Variants in PIEZO2 observed in about 807,000 individuals in gnomAD.
PIEZO2 encodes the protein piezo-type mechanosensitive ion channel component 2.
In PIEZO2, 172 loss-of-function variants were observed where a neutral mutation model predicts 337.3. The ratio of observed to expected loss-of-function variants is 0.51; its 90% CI spans 0.45 to 0.58. The LOEUF is 0.58. PIEZO2 is among the 20% of genes least tolerant of loss of function. The pLI is 0.00. For missense variants in PIEZO2, 3,028 were observed against 3,391.3 expected, an observed-to-expected ratio of 0.89 and a Z score of 2.66; for synonymous variants, 1,251 against 1,228.5, an observed-to-expected ratio of 1.02 and a Z score of -0.38.
intron 2 of PIEZO2, among the ~76,000 whole-genome samples, chr18:11,024,678 T>C (rs180956078): frequency 6.6e-6 from 1 of 152,222 alleles, no homozygotes; most frequent in Admixed American, 6.5e-5. Flanking sequence ...TTCACTCTTG[T>C]CACCCAGGCT....
chr18:11,113,759 G>A (rs900393687), intron 1 of PIEZO2, among the ~76,000 whole-genome samples: 23 of 152,094 alleles, frequency 1.5e-4, no homozygotes, highest in African/African-American at 5.1e-4. Flanking sequence ...CTGTGACAAC[G>A]CAGGCCTTCC....
intron 7 of PIEZO2, among the ~76,000 whole-genome samples, chr18:10,816,889 C>A (rs2040380221): frequency 6.6e-6 from 1 of 152,076 alleles, no homozygotes; most frequent in South Asian, 2.1e-4. Flanking sequence ...TTTCTCACTG[C>A]AGTTTTATTG....
intron 3 of PIEZO2, among the ~76,000 whole-genome samples, chr18:10,921,403 A>G (rs1398575403): frequency 6.6e-6 from 1 of 152,174 alleles, no homozygotes; most frequent in Non-Finnish European, 1.5e-5. Flanking sequence ...ATACTTTTAT[A>G]ATTTCCTATG....
chr18:10,677,582 A>T lies in PIEZO2; in HGVS notation c.8081+165T>A. On this transcript the variant is annotated intron_variant, in intron 53 of 55. Transcript: ENST00000674853. The surrounding 1 kb of genome is among the most constrained non-coding windows in gnomAD (Gnocchi z 4.1). ...GTGGACAGAAAACTCCATAGCTGAG[A>T]TTAAGTTTCTTTAATCTTGCAAAAT... 2.6e-6 allele frequency: 2 copies of T among 770,606 alleles called. No individual in the cohort carries two copies. The highest frequency in any genetic ancestry group is 4.0e-6 in the Non-Finnish European group (2 of 497,594). The allele number at this position is 770,606 out of a possible 1,614,324, so 47.7% of individuals were successfully genotyped here.
At chr18:10,711,612 T>C (rs2035822480) in intron 39 of PIEZO2, among the ~76,000 whole-genome samples, 1 of 105,934 alleles carries the variant, frequency 9.4e-6, no homozygotes, top group African/African-American at 3.1e-5. Context: ...GGGATTCAGG[T>C]AACAAAAAAA....
intron 3 of PIEZO2, among the ~76,000 whole-genome samples, chr18:10,951,922 A>G (rs936964673): frequency 6.6e-6 from 1 of 152,236 alleles, no homozygotes; most frequent in African/African-American, 2.4e-5. Flanking sequence ...AAACAGGAAA[A>G]TGCTATGAAG....
At chr18:11,119,863 G>A (rs1461696998) in intron 1 of PIEZO2, among the ~76,000 whole-genome samples, 1 of 152,126 alleles carries the variant, frequency 6.6e-6, no homozygotes, top group African/African-American at 2.4e-5. Context: ...ATAAACAATA[G>A]TAAGAATATG....
chr18:10,933,087 C>G (rs2032186279), intron 3 of PIEZO2, among the ~76,000 whole-genome samples: 1 of 151,962 alleles, frequency 6.6e-6, no homozygotes, highest in African/African-American at 2.4e-5. Flanking sequence ...CCCTATTAGC[C>G]CATATAAGAA....
rs1389364506 is a variant in PIEZO2, at chr18:10,715,675, C to T, written c.5231G>A (p.Cys1744Tyr). The change falls in exon 38 of 56, where the codon TGC becomes TAC. Residue 1744 changes from cysteine to tyrosine, a missense_variant. Transcript: ENST00000674853. ...CTTCTTAATTTCTCTGGTCAGCATGCATCGTTCAATTCTCAGAACTGTAGA... is the reference window on the plus strand; with the variant it reads ...CTTCTTAATTTCTCTGGTCAGCATGTATCGTTCAATTCTCAGAACTGTAGA... ...DISTVLRIER[C>Y]MLTREIKKGN... 2 of 1,535,184 alleles carry T rather than the reference C, an allele frequency of 1.3e-6. No homozygotes were observed. Among genetic ancestry groups the T allele is most frequent in the Non-Finnish European group, 1.7e-6 (2 of 1,146,176 alleles).
intron 3 of PIEZO2, among the ~76,000 whole-genome samples, chr18:10,937,507 T>A (rs1236913514): frequency 1.3e-5 from 2 of 152,178 alleles, no homozygotes; most frequent in Admixed American, 6.5e-5. Flanking sequence ...CCTAAATATC[T>A]ATATGTTATT....
In PIEZO2 at chr18:10,737,169, T is replaced by C. The variant is rs570933733; in HGVS notation, c.4709-459A>G. Among the ~76,000 whole-genome samples the C allele has an allele frequency of 2.0e-5, 3 of 151,558 alleles. No homozygotes were observed. In the East Asian group the frequency reaches 5.8e-4, roughly 29 times the overall value. ...GCCCAAACCGTTGCAGATAAGCCAATCAGGACGATTCAGGACCAAGGTCAG... is the reference window on the plus strand; with the variant it reads ...GCCCAAACCGTTGCAGATAAGCCAACCAGGACGATTCAGGACCAAGGTCAG... On this transcript the variant is annotated intron_variant, in intron 33 of 55. Coordinates refer to ENST00000674853, the MANE Select transcript of PIEZO2 (RefSeq NM_001378183.1).
At chr18:10,704,683 T>C (rs1348020893) in intron 41 of PIEZO2, 31 bp from the exon 42 acceptor site, 1 of 1,523,014 alleles carries the variant, frequency 6.6e-7, no homozygotes. Context: ...ATAATATGTC[T>C]ATTTTTTTTC....
rs759053482 is a variant in PIEZO2, at chr18:10,979,575, C to T, written c.246G>A (p.Val82=). ...CAATACGATGTTGAGCTTCAAGGCT[C>T]ACCAACGTGATGTGGAAAATGATGT... is the stretch of plus-strand genomic sequence containing the variant. The part of the protein sequence containing the change: ...LLHIIFHITL[V]SLEAQHRIAP... Residue 82 remains valine (V), a synonymous_variant, in exon 3 of 56, where the codon GTG becomes GTA. Coordinates refer to ENST00000674853, the MANE Select transcript of PIEZO2 (RefSeq NM_001378183.1). This position sits in a 1 kb window ranked among gnomAD's most constrained non-coding sequence, Gnocchi z 4.0. The T allele has an allele frequency of 6.5e-7, 1 of 1,535,522 alleles. No homozygotes were observed. Among genetic ancestry groups the T allele is most frequent in the South Asian group, 1.2e-5 (1 of 83,846 alleles).
chr18:10,819,238 A>G lies in PIEZO2; in HGVS notation c.918-11964T>C, dbSNP rs1320666357. ...AGTGGATTTGGATAAAACTGGAGGC[A>G]TTTGTATGATATACAGTTAAATATT... On this transcript the variant is annotated intron_variant, in intron 7 of 55. Coordinates refer to ENST00000674853, the MANE Select transcript of PIEZO2 (RefSeq NM_001378183.1). The surrounding 1 kb of genome is among the most constrained non-coding windows in gnomAD (Gnocchi z 4.3). 9.2e-5 allele frequency among the ~76,000 whole-genome samples: 14 copies of G among 152,230 alleles called. No individual in the cohort carries two copies. Among genetic ancestry groups the G allele is most frequent in the Admixed American group, 8.5e-4 (13 of 15,284 alleles).
rs2038436128 is a variant in PIEZO2, at chr18:10,767,969, T to C, written c.2946+2179A>G. Among the ~76,000 whole-genome samples the C allele has an allele frequency of 6.6e-6, 1 of 152,024 alleles. No individual in the cohort carries two copies. Among genetic ancestry groups the C allele is most frequent in the African/African-American group, 2.4e-5 (1 of 41,382 alleles). ...GGATGGCACAGGCCAAGTCACAACA[T>C]CCCCATCCCAGGGGGCCTTGCCCTG... On this transcript the variant is annotated intron_variant, in intron 21 of 55. Coordinates refer to ENST00000674853, the MANE Select transcript of PIEZO2 (RefSeq NM_001378183.1). The surrounding 1 kb of genome is among the most constrained non-coding windows in gnomAD (Gnocchi z 4.2).
Position 10,724,750 on chromosome 18 carries a change from C to CT in PIEZO2, c.5030-6492dup, listed in dbSNP as rs1388021518. On this transcript the variant is annotated intron_variant, in intron 36 of 55. Transcript: ENST00000674853. The surrounding 1 kb of genome is among the most constrained non-coding windows in gnomAD (Gnocchi z 5.8). The stretch of plus-strand genomic sequence containing the variant: ...ACCACTGTACCCCTGGTCTCAGTCC[C>CT]TGGCCTTGCCCGTGGCTCTGGCAGT... The CT allele has an allele frequency of 1.5e-5, 23 of 1,554,050 alleles. No homozygotes were observed. The highest frequency in any genetic ancestry group is 3.5e-6 in the Non-Finnish European group (4 of 1,145,778).
rs368226771 is a variant in PIEZO2, at chr18:10,906,488, C to T, written c.329+4698G>A. ...TACTTGGTGATATATTTTTCCCAGA[C>T]AAAAAAACGCAGCCTTAGATAGAGA... On this transcript the variant is annotated intron_variant, in intron 4 of 55. Coordinates refer to ENST00000674853, the MANE Select transcript of PIEZO2 (RefSeq NM_001378183.1). 4.3e-4 allele frequency among the ~76,000 whole-genome samples: 65 copies of T among 151,502 alleles called. 1 individual carries two copies. The highest frequency in any genetic ancestry group is 1.5e-3 in the African/African-American group (61 of 41,344).
At position 10,806,612 on chromosome 18, in the gene PIEZO2, T is replaced by G. The variant is rs201506599; in HGVS notation, c.1080+500A>C. Among the ~76,000 whole-genome samples the G allele has an allele frequency of 2.2e-4, 34 of 151,664 alleles. No homozygotes were observed. In the East Asian group the frequency reaches 4.5e-3, roughly 20 times the overall value. ...ACAGGCTAAGAGCGCTGGAGGAGAT[T>G]TGGGAAACACCAGTCCTCTTGATAA... On this transcript the variant is annotated intron_variant, in intron 8 of 55. Transcript: ENST00000674853.
intron 1 of PIEZO2, among the ~76,000 whole-genome samples, chr18:11,133,812 A>G (rs2040406455): frequency 6.6e-6 from 1 of 150,814 alleles, no homozygotes; most frequent in African/African-American, 2.4e-5. Flanking sequence ...ATGTGTGTAT[A>G]TATATATATA....
Sources: gnomAD v4.1 joint callset for allele counts (sites outside exome capture counted in the v4.1 genomes callset) on GRCh38, gnomAD v4.1.1 for gene constraint, Gnocchi (gnomAD v3.1) non-coding constraint, MANE v1.5 for transcripts, NCBI Gene and HGNC (gene_info 2026-07-23, HGNC 2026-07-21) for gene names.